The following PLXNA2 variants were observed in gnomAD, a reference collection of about 807,000 sequenced individuals.
PLXNA2 encodes plexin A2, also known as plexin-A2.
In PLXNA2, 91 loss-of-function variants were observed where a neutral mutation model predicts 193.5. The observed-to-expected ratio is 0.47, with a 90% CI of 0.40 to 0.56. PLXNA2 has a LOEUF of 0.56. Ranked by LOEUF, PLXNA2 falls within the 20% of genes least tolerant of loss-of-function variation. The pLI, the probability that PLXNA2 is intolerant of heterozygous loss-of-function variation, is 0.00. For missense variants in PLXNA2, 1,995 were observed against 2,503.2 expected (o/e 0.80, Z 4.33); for synonymous variants, 997 against 1,027.3 (o/e 0.97, Z 0.56).
At chr1:208,164,613 C>T (rs529620322) in intron 3 of PLXNA2, among the ~76,000 whole-genome samples, 67 of 152,334 alleles carry the variant, frequency 4.4e-4, no homozygotes, top group Non-Finnish European at 2.2e-4. Flanking sequence ...CTTAAAAAGC[C>T]AGGGCAGGGA....
chr1:208,129,380 C>T (rs1285147757), intron 4 of PLXNA2, among the ~76,000 whole-genome samples: 1 of 152,112 alleles, frequency 6.6e-6, no homozygotes, highest in Admixed American at 6.5e-5. Flanking sequence ...TGATGGCTTC[C>T]TACCAAGTTC....
chr1:208,200,172 C>T (rs563419205), intron 3 of PLXNA2, among the ~76,000 whole-genome samples: 5 of 152,200 alleles, frequency 3.3e-5, no homozygotes, highest in East Asian at 1.9e-4. Flanking sequence ...GACAACCCAA[C>T]GGCACCAGCT....
At chr1:208,166,907 T>A (rs17259394) in intron 3 of PLXNA2, among the ~76,000 whole-genome samples, 1 of 152,180 alleles carries the variant, frequency 6.6e-6, no homozygotes, top group Non-Finnish European at 1.5e-5. Context: ...CTCCAAACCA[T>A]GAAGCTCTCA....
intron 10 of PLXNA2, among the ~76,000 whole-genome samples, chr1:208,083,525 C>T (rs189537752): frequency 4.1e-4 from 63 of 152,094 alleles, no homozygotes; most frequent in African/African-American, 1.4e-3. Context: ...GGCCTTCCAC[C>T]GATTACAAAT....
At chr1:208,079,540 A>C (rs1170794457) in intron 11 of PLXNA2, 90 bp from the exon 12 acceptor site, 26 of 919,168 alleles carry the variant, frequency 2.8e-5, no homozygotes, top group Non-Finnish European at 3.9e-5. Flanking sequence ...AATGATAGAA[A>C]CTCTTCCCCA....
intron 3 of PLXNA2, among the ~76,000 whole-genome samples, chr1:208,206,766 GTTT>G (rs896776741): frequency 3.3e-3 from 381 of 116,728 alleles, no homozygotes; most frequent in African/African-American, 0.01. Context: ...GCACATATAG[GTTT>G]TTTTTTTTTT....
At chr1:208,096,182 A>G in intron 7 of PLXNA2, 57 bp from the exon 8 acceptor site, 1 of 1,287,476 alleles carries the variant, frequency 7.8e-7, no homozygotes, top group African/African-American at 1.5e-5. Context: ...GACCCAGTGG[A>G]CAGCCACAAA....
chr1:208,107,524 C>T (rs371710842), intron 4 of PLXNA2, among the ~76,000 whole-genome samples: 103 of 152,242 alleles, frequency 6.8e-4, no homozygotes, highest in African/African-American at 2.4e-3. Flanking sequence ...TCAGGAGCCA[C>T]TTCACTTTGT....
chr1:208,208,563 CA>C (rs1670815095), intron 3 of PLXNA2, among the ~76,000 whole-genome samples: 1 of 152,174 alleles, frequency 6.6e-6, no homozygotes, highest in Admixed American at 6.5e-5. Context: ...GGGAACAGTC[CA>C]AAAAGCATGA....
chr1:208,082,341 T>C lies in PLXNA2; in HGVS notation c.2395+71A>G. On this transcript the variant is annotated intron_variant, in intron 11 of 31. Transcript: ENST00000367033. The surrounding 1 kb of genome is among the most constrained non-coding windows in gnomAD (Gnocchi z 4.2). ...TCATGGCACAGCGGCTGGCTGGCTCTGATCCCTCTAGCCCCAGTCTTTCCC... is the reference window on the plus strand; with the variant it reads ...TCATGGCACAGCGGCTGGCTGGCTCCGATCCCTCTAGCCCCAGTCTTTCCC... The C allele has an allele frequency of 1.6e-6, 2 of 1,220,950 alleles. No individual in the cohort carries two copies. Among genetic ancestry groups the C allele is most frequent in the Non-Finnish European group, 2.4e-6 (2 of 838,088 alleles). The allele number at this position is 1,220,950 out of a possible 1,614,324, so 75.6% of individuals were successfully genotyped here.
chr1:208,241,087 A>C (rs1672035406), intron 1 of PLXNA2, among the ~76,000 whole-genome samples: 2 of 152,202 alleles, frequency 1.3e-5, no homozygotes, highest in Admixed American at 1.3e-4. Flanking sequence ...TGTATATTTA[A>C]CCATGTCACT....
In PLXNA2 at chr1:208,100,766, T is replaced by G. The variant is rs562107431; in HGVS notation, c.1608-1797A>C. ...GGCTGCCTCTGTCAGAAAGCTTGTT[T>G]GGCTGTTTCTCCCAACATCTTCATC... On this transcript the variant is annotated intron_variant, in intron 5 of 31. Coordinates refer to ENST00000367033, the MANE Select transcript of PLXNA2 (RefSeq NM_025179.4). Among the ~76,000 whole-genome samples, 7 of 152,362 alleles carry G rather than the reference T, an allele frequency of 4.6e-5. No individual in the cohort carries two copies. The South Asian group carries it at 1.4e-3, about 32-fold the overall frequency.
intron 22 of PLXNA2, 150 bp from the exon 23 acceptor site, chr1:208,040,208 C>G: frequency 3.1e-6 from 2 of 638,114 alleles, no homozygotes; most frequent in Non-Finnish European, 5.6e-6. Flanking sequence ...GCCCAGCTCA[C>G]CCAGTAACTA....
chr1:208,206,192 G>A (rs1226777346), intron 3 of PLXNA2, among the ~76,000 whole-genome samples: 2 of 152,332 alleles, frequency 1.3e-5, no homozygotes, highest in Admixed American at 6.5e-5. Flanking sequence ...CACATAGCAT[G>A]ATTCCCACAT....
At chr1:208,031,106 C>T (rs570498029) in intron 29 of PLXNA2, 2 of 997,246 alleles carry the variant, frequency 2.0e-6, no homozygotes, top group South Asian at 8.6e-5. Flanking sequence ...GTGTGAACTC[C>T]CTCTCCGGTG....
intron 3 of PLXNA2, among the ~76,000 whole-genome samples, chr1:208,186,522 C>T (rs1211585829): frequency 6.6e-6 from 1 of 152,130 alleles, no homozygotes; most frequent in African/African-American, 2.4e-5. Context: ...GTTATCTTTG[C>T]AACAGAGAAT....
chr1:208,068,764 T>C (rs1665878610), intron 12 of PLXNA2, among the ~76,000 whole-genome samples: 1 of 152,250 alleles, frequency 6.6e-6, no homozygotes, highest in Admixed American at 6.5e-5. Flanking sequence ...CCATGTTCTT[T>C]TGTGTTTTCC....
At position 208,186,708 on chromosome 1, in the gene PLXNA2, A is replaced by ATTTTTTTTTTTTT. The variant is rs368056918; in HGVS notation, c.1371+23571_1371+23572insAAAAAAAAAAAAA. Among the ~76,000 whole-genome samples, 9 of 111,698 alleles carry ATTTTTTTTTTTTT rather than the reference A, an allele frequency of 8.1e-5. 1 individual carries two copies. Among genetic ancestry groups the ATTTTTTTTTTTTT allele is most frequent in the African/African-American group, 2.7e-4 (9 of 33,194 alleles). The allele number at this position is 111,698 out of a possible 152,430, so 73.3% of individuals were successfully genotyped here. On this transcript the variant is annotated intron_variant, in intron 3 of 31. Coordinates refer to ENST00000367033, the MANE Select transcript of PLXNA2 (RefSeq NM_025179.4). ...GGGCTGTCCTGGGAATTGCAATGTT[A>ATTTTTTTTTTTTT]TTTTATTTTTTTTTTTTTTTTTGAG...
intron 1 of PLXNA2, among the ~76,000 whole-genome samples, chr1:208,235,476 G>A (rs1206065394): frequency 6.6e-6 from 1 of 152,218 alleles, no homozygotes; most frequent in African/African-American, 2.4e-5. Flanking sequence ...AAAGACAAGT[G>A]AAGGTGCTTG....
Sources: gnomAD v4.1 joint callset for allele counts (sites outside exome capture counted in the v4.1 genomes callset) on GRCh38, gnomAD v4.1.1 for gene constraint, Gnocchi (gnomAD v3.1) non-coding constraint, MANE v1.5 for transcripts, NCBI Gene and HGNC (gene_info 2026-07-23, HGNC 2026-07-21) for gene names.